The following CFAP47 variants were observed in gnomAD, a reference collection of about 807,000 sequenced individuals.
The protein encoded by CFAP47 is cilia and flagella associated protein 47.
Under a neutral mutation model 148.1 loss-of-function variants are expected in CFAP47, and 29 were observed. That is an observed-to-expected ratio of 0.20 (90% CI 0.15 to 0.27). The LOEUF (loss-of-function observed/expected upper bound fraction) is 0.27, where lower values mean the gene tolerates loss of function less well. Ranked by LOEUF, CFAP47 falls within the 10% of genes least tolerant of loss-of-function variation. The probability of loss-of-function intolerance (pLI) is 1.00; values close to 1 mark genes in which losing one functional copy is unlikely to be tolerated. For missense variants in CFAP47, 1,872 were observed against 1,697.5 expected, an observed-to-expected ratio of 1.10 and a Z score of -1.81; for synonymous variants, 664 against 577.3, an observed-to-expected ratio of 1.15 and a Z score of -2.15.
chrX:36,008,130 C>T (rs891020021), intron 21 of CFAP47, among the ~76,000 whole-genome samples: 2 of 111,268 alleles, frequency 1.8e-5, no homozygotes, highest in East Asian at 2.8e-4. Context: ...CAGTAACTGT[C>T]GATTCAATTC....
chrX:36,322,456 G>A (rs1242118594), intron 57 of CFAP47, among the ~76,000 whole-genome samples: 4 of 110,046 alleles, frequency 3.6e-5, no homozygotes, highest in Non-Finnish European at 7.6e-5. Context: ...TTGAAACACA[G>A]TATTTATGAC....
chrX:36,153,675 C>T (rs1939334971), intron 37 of CFAP47, among the ~76,000 whole-genome samples: 1 of 112,465 alleles, frequency 8.9e-6, no homozygotes, highest in Non-Finnish European at 1.9e-5. Context: ...TGAAGGCATG[C>T]ACTTTCTGTG....
chrX:36,225,157 G>A (rs1270405691), intron 45 of CFAP47, among the ~76,000 whole-genome samples: 1 of 111,784 alleles, frequency 8.9e-6, no homozygotes, highest in Non-Finnish European at 1.9e-5. Context: ...TCTGAGTTGA[G>A]TAGGGATGGA....
At chrX:36,170,683 A>C (rs1392036662) in intron 39 of CFAP47, among the ~76,000 whole-genome samples, 1 of 107,028 alleles carries the variant, frequency 9.3e-6, no homozygotes, top group African/African-American at 3.4e-5. Flanking sequence ...CATTTTCTTA[A>C]TCCAGTCTAT....
At chrX:36,103,755 C>T (rs931143326) in intron 32 of CFAP47, among the ~76,000 whole-genome samples, 4 of 110,441 alleles carry the variant, frequency 3.6e-5, no homozygotes, top group East Asian at 2.9e-4. Flanking sequence ...ATGCTCCATT[C>T]GGAAACTCTT....
chrX:35,923,933 GTATA>G (rs1204604152), intron 1 of CFAP47, among the ~76,000 whole-genome samples: 11 of 65,424 alleles, frequency 1.7e-4, no homozygotes, highest in African/African-American at 1.3e-3. Context: ...ATATATATGT[GTATA>G]TATGTACATG....
At chrX:36,095,200 C>A (rs1020719801) in intron 30 of CFAP47, among the ~76,000 whole-genome samples, 36 of 111,484 alleles carry the variant, frequency 3.2e-4, no homozygotes, top group African/African-American at 1.1e-3. Flanking sequence ...ACATACATTG[C>A]ATACATTAAA....
At chrX:36,017,890 A>G (rs910299137) in intron 22 of CFAP47, among the ~76,000 whole-genome samples, 1 of 111,223 alleles carries the variant, frequency 9.0e-6, no homozygotes, top group Non-Finnish European at 1.9e-5. Flanking sequence ...TGATTTTTCA[A>G]TTTCTGTGAA....
chrX:36,037,132 G>A (rs771721217), intron 24 of CFAP47, among the ~76,000 whole-genome samples: 1 of 111,584 alleles, frequency 9.0e-6, no homozygotes, highest in East Asian at 2.8e-4. Context: ...ATAGCACAAA[G>A]GCTATTCCAG....
At position 36,384,830 on chromosome X, in the gene CFAP47, G is replaced by A. The variant is rs782090776; in HGVS notation, c.9388G>A (p.Gly3130Arg). 1.0e-4 allele frequency: 122 copies of A among 1,164,267 alleles called. No individual in the cohort carries two copies. The South Asian group carries it at 2.2e-3, about 21-fold the overall frequency. The change falls in exon 64 of 64, where the codon GGA (glycine) becomes AGA (arginine). Residue 3130 changes from glycine (G) to arginine (R), a missense_variant. Physicochemically the swap from Gly to Arg is moderately radical, Grantham distance 125. Coordinates refer to ENST00000378653, the MANE Select transcript of CFAP47 (RefSeq NM_001304548.2). ...EEMYWKYEIN[G>R]LTPTTVPPKN... Reference sequence around the variant, plus strand: ...AATGTACTGGAAGTATGAGATCAATGGATTAACTCCAACTACCGTGCCACC... The same window carrying A: ...AATGTACTGGAAGTATGAGATCAATAGATTAACTCCAACTACCGTGCCACC...
At chrX:36,198,023 T>C (rs1555987450) in intron 42 of CFAP47, among the ~76,000 whole-genome samples, 2 of 111,729 alleles carry the variant, frequency 1.8e-5, no homozygotes, top group African/African-American at 6.5e-5. Context: ...AGAATATGTA[T>C]TTTTTGCATG....
chrX:35,951,018 A>G, intron 4 of CFAP47, 113 bp from the exon 5 acceptor site: 1 of 516,233 alleles, frequency 1.9e-6, no homozygotes, highest in East Asian at 3.6e-5. Context: ...CTGAATTTTA[A>G]TGATAATGTG....
rs912338417 is a variant in CFAP47, at chrX:35,997,949, GT to G, written c.3177+568del. Reference sequence around the variant, plus strand: ...TGTTCATCCCAATAGGTATTTCTGGGTTTTTTTTAAACACAAAAACTGTAGC... The same window carrying G: ...TGTTCATCCCAATAGGTATTTCTGGGTTTTTTTAAACACAAAAACTGTAGC... On this transcript the variant is annotated intron_variant, in intron 19 of 63. Coordinates refer to ENST00000378653, the MANE Select transcript of CFAP47 (RefSeq NM_001304548.2). Among the ~76,000 whole-genome samples, 6 of 110,239 alleles carry G rather than the reference GT, an allele frequency of 5.4e-5. No homozygotes were observed. In the South Asian group the frequency reaches 2.3e-3, roughly 42 times the overall value.
At chrX:36,072,175 C>G (rs1937767645) in intron 28 of CFAP47, among the ~76,000 whole-genome samples, 1 of 112,068 alleles carries the variant, frequency 8.9e-6, no homozygotes, top group Non-Finnish European at 1.9e-5. Flanking sequence ...GTTCTTGGTT[C>G]ACAGCACTCT....
intron 49 of CFAP47, among the ~76,000 whole-genome samples, chrX:36,272,782 A>G (rs1427436890): frequency 1.8e-5 from 2 of 111,680 alleles, no homozygotes; most frequent in African/African-American, 3.2e-5. Context: ...AATAAAATTT[A>G]TATAATTTTT....
At chrX:36,287,444 G>A (rs1210287610) in intron 51 of CFAP47, among the ~76,000 whole-genome samples, 25 of 111,065 alleles carry the variant, frequency 2.3e-4, no homozygotes, top group African/African-American at 7.5e-4. Flanking sequence ...TTTATTATTC[G>A]TTATGAACAG....
intron 45 of CFAP47, among the ~76,000 whole-genome samples, chrX:36,220,216 A>C (rs192943476): frequency 3.3e-3 from 363 of 111,292 alleles, no homozygotes; most frequent in Non-Finnish European, 5.4e-3. Flanking sequence ...CCTTCAGGCT[A>C]TGTATATAAT....
chrX:35,924,506 TGCAC>T (rs1569202281), intron 1 of CFAP47, among the ~76,000 whole-genome samples: 140 of 103,772 alleles, frequency 1.3e-3, no homozygotes, highest in African/African-American at 5.0e-3. Context: ...TGTATATAGG[TGCAC>T]ATATATGTGT....
intron 57 of CFAP47, among the ~76,000 whole-genome samples, chrX:36,319,542 A>G (rs1169967979): frequency 9.1e-6 from 1 of 110,045 alleles, no homozygotes; most frequent in Non-Finnish European, 1.9e-5. Context: ...AGATTTGCCA[A>G]GTATTTTAAC....
Sources: allele counts gnomAD v4.1 joint callset (sites outside exome capture counted in the v4.1 genomes callset), GRCh38; gene constraint gnomAD v4.1.1; transcripts MANE v1.5; gene names NCBI Gene and HGNC (gene_info 2026-07-23, HGNC 2026-07-21).